COBL: variants seen among roughly 807,000 people sequenced by gnomAD.
COBL encodes cordon-bleu WH2 repeat protein, also known as protein cordon-bleu.
COBL carries 51 observed loss-of-function variants against 98.8 expected under a neutral mutation model. The ratio of observed to expected loss-of-function variants is 0.52; its 90% CI spans 0.41 to 0.65. COBL has a LOEUF of 0.65. Among genes scored for constraint, COBL ranks in the 30% least tolerant of loss-of-function variants. The pLI, the probability that COBL is intolerant of heterozygous loss-of-function variation, is 0.00. For synonymous variants in COBL, 634 were observed against 651.7 expected, an observed-to-expected ratio of 0.97 and a Z score of 0.41; for missense variants, 1,617 against 1,617.5, an observed-to-expected ratio of 1.00 and a Z score of 0.01.
chr7:51,272,680 G>T (rs1264454596), intron 1 of COBL, among the ~76,000 whole-genome samples: 2 of 152,088 alleles, frequency 1.3e-5, no homozygotes, highest in South Asian at 2.1e-4. Flanking sequence ...ACTCAAAGAG[G>T]CAAAGGGTTG....
intron 5 of COBL, among the ~76,000 whole-genome samples, chr7:51,148,050 C>A (rs1400932654): frequency 6.6e-6 from 1 of 152,184 alleles, no homozygotes; most frequent in African/African-American, 2.4e-5. Flanking sequence ...GTGTGAGCCA[C>A]CACACCCAGC....
intron 1 of COBL, among the ~76,000 whole-genome samples, chr7:51,299,503 G>A (rs1263904362): frequency 6.6e-6 from 1 of 152,154 alleles, no homozygotes; most frequent in Non-Finnish European, 1.5e-5. Context: ...CCAGGTTTCA[G>A]GGGGACTGAC....
chr7:51,047,304 A>G (rs1376122714), intron 7 of COBL, among the ~76,000 whole-genome samples: 1 of 152,152 alleles, frequency 6.6e-6, no homozygotes, highest in Admixed American at 6.5e-5. Flanking sequence ...TAACCCTTCT[A>G]TTGTCCTCCA....
At chr7:51,286,247 A>G (rs1435004972) in intron 1 of COBL, among the ~76,000 whole-genome samples, 3 of 151,980 alleles carry the variant, frequency 2.0e-5, no homozygotes, top group Non-Finnish European at 4.4e-5. Flanking sequence ...GTTTAAAAAA[A>G]AAAAAAAGCT....
chr7:51,228,117 T>C (rs1794381920), intron 1 of COBL, among the ~76,000 whole-genome samples: 1 of 152,266 alleles, frequency 6.6e-6, no homozygotes, highest in South Asian at 2.1e-4. Context: ...CACCACATCC[T>C]GGTTACATGC....
At chr7:51,222,549 T>C (rs893079510) in intron 1 of COBL, among the ~76,000 whole-genome samples, 1 of 152,262 alleles carries the variant, frequency 6.6e-6, no homozygotes, top group Non-Finnish European at 1.5e-5. Flanking sequence ...TTAACCACTA[T>C]GTTATTCAGT....
intron 5 of COBL, among the ~76,000 whole-genome samples, chr7:51,169,492 T>C (rs1014222832): frequency 1.3e-5 from 2 of 152,230 alleles, no homozygotes; most frequent in Non-Finnish European, 2.9e-5. Context: ...TGGTTTCCAA[T>C]ATACACAATG....
At chr7:51,265,946 T>G (rs1346880523) in intron 1 of COBL, among the ~76,000 whole-genome samples, 2 of 152,192 alleles carry the variant, frequency 1.3e-5, no homozygotes, top group Non-Finnish European at 2.9e-5. Flanking sequence ...TGTGATCCAG[T>G]GAATTGGCGT....
chr7:51,113,023 A>G (rs950121512), intron 6 of COBL, among the ~76,000 whole-genome samples: 1 of 152,188 alleles, frequency 6.6e-6, no homozygotes, highest in African/African-American at 2.4e-5. Context: ...AACCTTCCGG[A>G]AATGATAAAA....
intron 1 of COBL, among the ~76,000 whole-genome samples, chr7:51,238,019 G>C (rs1204981520): frequency 6.6e-6 from 1 of 152,162 alleles, no homozygotes; most frequent in South Asian, 2.1e-4. Flanking sequence ...GTACCAAAGG[G>C]GAACGAAGAA....
intron 6 of COBL, among the ~76,000 whole-genome samples, chr7:51,086,627 AG>A (rs1241462805): frequency 8.2e-6 from 1 of 122,652 alleles, no homozygotes; most frequent in East Asian, 2.1e-4. Flanking sequence ...AGACAATGAG[AG>A]GGAGAGAGAG....
intron 5 of COBL, among the ~76,000 whole-genome samples, chr7:51,153,274 A>G (rs1583981551): frequency 6.6e-6 from 1 of 152,236 alleles, no homozygotes; most frequent in East Asian, 1.9e-4. Context: ...TCAATAATAT[A>G]GTACTGTTAA....
rs770355015 is a variant in COBL, at chr7:51,219,799, T to C, written c.187A>G (p.Met63Val). 6 of 1,614,134 alleles carry C rather than the reference T, an allele frequency of 3.7e-6. No homozygotes were observed. The highest frequency in any genetic ancestry group is 4.5e-5 in the East Asian group (2 of 44,854). The stretch of plus-strand genomic sequence containing the variant: ...CTAGGCAGGACCACGGTGACGTCCA[T>C]GGTGCTGGCCCTCAGCGCCTCCTTC... ...RMKEALRAST[M>V]DVTVVLPSGL... The change falls in exon 2 of 13, where the codon ATG (methionine) becomes GTG (valine). Residue 63 changes from methionine (M) to valine (V), a missense_variant. By Grantham distance (21) the Met-to-Val change is conservative. Around this residue, in one of 3 missense-constraint regions of COBL, gnomAD observed 238 missense variants for 215.0 expected, o/e 1.11. Coordinates refer to ENST00000265136, the MANE Select transcript of COBL (RefSeq NM_015198.5).
At chr7:51,273,531 T>C (rs754523079) in intron 1 of COBL, among the ~76,000 whole-genome samples, 1 of 152,104 alleles carries the variant, frequency 6.6e-6, no homozygotes, top group Non-Finnish European at 1.5e-5. Flanking sequence ...AAGTCATCAT[T>C]GACATCAGGG....
chr7:51,234,835 G>T (rs1301804877), intron 1 of COBL, among the ~76,000 whole-genome samples: 1 of 152,172 alleles, frequency 6.6e-6, no homozygotes, highest in Non-Finnish European at 1.5e-5. Context: ...ACGTCGCTTG[G>T]GTTTACTGAT....
chr7:51,032,567 TGATTTG>T, intron 8 of COBL: 2 of 152,358 alleles, frequency 1.3e-5, no homozygotes, highest in Middle Eastern at 6.8e-3. Flanking sequence ...TGAGTCTTTC[TGATTTG>T]GTGACTATGT....
At chr7:51,280,961 G>A (rs561959786) in intron 1 of COBL, among the ~76,000 whole-genome samples, 5 of 152,124 alleles carry the variant, frequency 3.3e-5, no homozygotes, top group Admixed American at 1.3e-4. Context: ...CTTTAAATAA[G>A]AGCCAGAGTA....
chr7:51,248,357 A>C (rs1796444060), intron 1 of COBL, among the ~76,000 whole-genome samples: 1 of 152,190 alleles, frequency 6.6e-6, no homozygotes, highest in African/African-American at 2.4e-5. Flanking sequence ...GGAAGAGAAG[A>C]ACAGCAAAAT....
At chr7:51,261,029 C>T (rs1046132288) in intron 1 of COBL, among the ~76,000 whole-genome samples, 1 of 152,198 alleles carries the variant, frequency 6.6e-6, no homozygotes, top group African/African-American at 2.4e-5. Flanking sequence ...TCCAGCCATT[C>T]TCCCCAGAGC....
Sources: gnomAD v4.1 joint callset for allele counts (sites outside exome capture counted in the v4.1 genomes callset) on GRCh38, gnomAD v4.1.1 for gene constraint, gnomAD v4.1.1 regional missense constraint, MANE v1.5 for transcripts, NCBI Gene and HGNC (gene_info 2026-07-23, HGNC 2026-07-21) for gene names.